RELN: variants seen among roughly 807,000 people sequenced by gnomAD.
RELN encodes reelin.
Under a neutral mutation model 427.6 loss-of-function variants are expected in RELN, and 108 were observed. That is an observed-to-expected ratio of 0.25 (90% CI 0.22 to 0.30). RELN has a LOEUF of 0.30. Among genes scored for constraint, RELN ranks in the 10% least tolerant of loss-of-function variants. The pLI is 1.00. For synonymous variants in RELN, 1,524 were observed against 1,513.4 expected (o/e 1.01, Z -0.16); for missense variants, 3,715 against 4,302.8 (o/e 0.86, Z 3.82).
At chr7:103,764,951 T>A (rs1791392628) in intron 4 of RELN, among the ~76,000 whole-genome samples, 1 of 150,774 alleles carries the variant, frequency 6.6e-6, no homozygotes, top group South Asian at 2.1e-4. Context: ...AGGGTGAGGA[T>A]CCGAGTCCTC....
Position 103,989,045 on chromosome 7 carries a change from G to A in RELN, c.226+86C>T. The A allele has an allele frequency of 2.5e-6, 3 of 1,215,514 alleles. No homozygotes were observed. Among genetic ancestry groups the A allele is most frequent in the Middle Eastern group, 2.5e-4 (1 of 4,072 alleles). The allele number at this position is 1,215,514 out of a possible 1,614,324, so 75.3% of individuals were successfully genotyped here. A position where few individuals can be genotyped will look rare whatever the true frequency, so the allele number is the denominator to read the frequency against. ...GGTTGTCATGGTTCTTGTTTCCAAG[G>A]CCCCTTGGAAGAAGGAAAGGGATGA... On this transcript the variant is annotated intron_variant, in intron 1 of 64. Transcript: ENST00000428762. The surrounding 1 kb of genome is among the most constrained non-coding windows in gnomAD (Gnocchi z 4.9).
In RELN at chr7:103,510,485, G is replaced by T. The variant is rs866213380; in HGVS notation, c.8274+366C>A. ...AGGAACATCACGCACTGTGGGGCCT[G>T]TCGGGGAGTGGAGGAGGGATAGCAT... is the stretch of plus-strand genomic sequence containing the variant. On this transcript the variant is annotated intron_variant, in intron 51 of 64. Coordinates refer to ENST00000428762, the MANE Select transcript of RELN (RefSeq NM_005045.4). 2.0e-5 allele frequency among the ~76,000 whole-genome samples: 3 copies of T among 149,250 alleles called. No individual in the cohort carries two copies. The East Asian group carries it at 6.2e-4, about 31-fold the overall frequency.
chr7:103,508,006 GAC>G (rs1050027075), intron 51 of RELN, among the ~76,000 whole-genome samples: 8 of 152,122 alleles, frequency 5.3e-5, no homozygotes, highest in Admixed American at 1.3e-4. Flanking sequence ...TCCCTGAATA[GAC>G]CAATAACAAT....
chr7:103,485,996 C>T (rs1298521114), intron 61 of RELN, among the ~76,000 whole-genome samples: 1 of 149,002 alleles, frequency 6.7e-6, no homozygotes, highest in African/African-American at 2.6e-5. Context: ...AAATACAAAG[C>T]AATTCTCTAA....
At chr7:103,509,759 G>T (rs1829337360) in intron 51 of RELN, among the ~76,000 whole-genome samples, 1 of 151,668 alleles carries the variant, frequency 6.6e-6, no homozygotes, top group Non-Finnish European at 1.5e-5. Flanking sequence ...CTGACAAAGG[G>T]CTAATATCCA....
At chr7:103,768,373 A>T (rs78250461) in intron 4 of RELN, among the ~76,000 whole-genome samples, 1 of 152,078 alleles carries the variant, frequency 6.6e-6, no homozygotes, top group African/African-American at 2.4e-5. Context: ...AAAAAAAAAA[A>T]TCTCTGAATC....
intron 4 of RELN, among the ~76,000 whole-genome samples, chr7:103,767,577 G>T (rs1432804187): frequency 6.6e-6 from 1 of 152,178 alleles, no homozygotes; most frequent in Non-Finnish European, 1.5e-5. Flanking sequence ...TTCAGAGACA[G>T]ATGTATTAGG....
intron 1 of RELN, among the ~76,000 whole-genome samples, chr7:103,939,039 C>T (rs542891551): frequency 1.1e-3 from 167 of 151,928 alleles, no homozygotes; most frequent in African/African-American, 3.5e-3. Context: ...CTCTGCCTCT[C>T]GGGTTCAAGT....
chr7:103,676,618 T>C (rs1381567439), intron 11 of RELN, among the ~76,000 whole-genome samples: 2 of 152,148 alleles, frequency 1.3e-5, no homozygotes, highest in Admixed American at 6.5e-5. Context: ...CTATTCACAA[T>C]AGCAAAGACT....
intron 8 of RELN, among the ~76,000 whole-genome samples, chr7:103,712,171 T>C (rs935702887): frequency 4.7e-4 from 71 of 152,326 alleles, no homozygotes; most frequent in African/African-American, 1.7e-3. Flanking sequence ...GCAGCAATTA[T>C]ACATTAATCA....
rs1288294945 is a variant in RELN at position 103,909,778 on chromosome 7, T to TA, written c.337+7296dup. 3.9e-3 allele frequency among the ~76,000 whole-genome samples: 261 copies of TA among 67,564 alleles called. 78 individuals are homozygous for TA. Among genetic ancestry groups the TA allele is most frequent in the African/African-American group, 0.021 (251 of 11,822 alleles). The allele number at this position is 67,564 out of a possible 152,430, so 44.3% of individuals were successfully genotyped here. On this transcript the variant is annotated intron_variant, in intron 2 of 64. Coordinates refer to ENST00000428762, the MANE Select transcript of RELN (RefSeq NM_005045.4). ...ATTAAATATATATATTTAATATATATAAATATATATATTAAATATATATTA... is the reference window on the plus strand; with the variant it reads ...ATTAAATATATATATTTAATATATATAAAATATATATATTAAATATATATTA...
At chr7:103,601,734 G>A (rs1831673445) in intron 24 of RELN, among the ~76,000 whole-genome samples, 1 of 152,142 alleles carries the variant, frequency 6.6e-6, no homozygotes. Context: ...GAAAAAGAAT[G>A]TCCTGCCTAG....
intron 11 of RELN, among the ~76,000 whole-genome samples, chr7:103,663,248 T>C (rs1021614080): frequency 6.6e-6 from 1 of 152,182 alleles, no homozygotes; most frequent in Non-Finnish European, 1.5e-5. Context: ...TTACATGCCT[T>C]TCTTTATTCC....
At chr7:103,936,555 C>CA (rs963109055) in intron 1 of RELN, among the ~76,000 whole-genome samples, 3 of 152,072 alleles carry the variant, frequency 2.0e-5, no homozygotes, top group African/African-American at 7.2e-5. Flanking sequence ...GGATATAAGA[C>CA]AAAATCCTCA....
At position 103,497,716 on chromosome 7, in the gene RELN, A is replaced by T; in HGVS notation, c.8950+104T>A. The stretch of plus-strand genomic sequence containing the variant: ...TAGCTTTTTCTTTGTGAGTTTCACA[A>T]TTCAAACTGTGAAGTCAGCAAAGCT... On this transcript the variant is annotated intron_variant, in intron 55 of 64. Coordinates refer to ENST00000428762, the MANE Select transcript of RELN (RefSeq NM_005045.4). The T allele has an allele frequency of 3.2e-6, 3 of 931,726 alleles. No homozygotes were observed. The South Asian group carries it at 4.0e-5, about 13-fold the overall frequency. The allele number at this position is 931,726 out of a possible 1,614,324, so 57.7% of individuals were successfully genotyped here. A position where few individuals can be genotyped will look rare whatever the true frequency, so the allele number is the denominator to read the frequency against.
intron 3 of RELN, among the ~76,000 whole-genome samples, chr7:103,777,883 T>TCACACACACACACA (rs201873652): frequency 0.14 from 20,345 of 143,624 alleles, 1,531 homozygotes; most frequent in East Asian, 0.19. Context: ...TGTTATACCT[T>TCACACACACACACA]CACACACACA....
chr7:103,892,870 T>C (rs930320371), intron 2 of RELN, among the ~76,000 whole-genome samples: 2 of 152,176 alleles, frequency 1.3e-5, no homozygotes, highest in Non-Finnish European at 2.9e-5. Context: ...AATATACCTA[T>C]GATCAATCAC....
intron 16 of RELN, among the ~76,000 whole-genome samples, chr7:103,641,182 CT>C (rs1832687208): frequency 6.6e-6 from 1 of 152,110 alleles, no homozygotes; most frequent in African/African-American, 2.4e-5. Context: ...ATTATTAATT[CT>C]TTTGTTAATC....
rs778887637 is a variant in RELN at position 103,753,171 on chromosome 7, T to G, written c.577+11A>C. On this transcript the variant is annotated intron_variant, in intron 5 of 64. Coordinates refer to ENST00000428762, the MANE Select transcript of RELN (RefSeq NM_005045.4). ...ACTAAAGTTAATGACATCAGAGTCT[T>G]AAACACTTACCTAGATGTGGGTGCA... 1.2e-6 allele frequency: 2 copies of G among 1,613,858 alleles called. No homozygotes were observed. The highest frequency in any genetic ancestry group is 1.7e-6 in the Non-Finnish European group (2 of 1,179,814).
Sources: allele counts gnomAD v4.1 joint callset (sites outside exome capture counted in the v4.1 genomes callset), GRCh38; gene constraint gnomAD v4.1.1; non-coding constraint Gnocchi (gnomAD v3.1); transcripts MANE v1.5; gene names NCBI Gene and HGNC (gene_info 2026-07-23, HGNC 2026-07-21).